NKAIN2: variants seen among roughly 807,000 people sequenced by gnomAD.
The protein encoded by NKAIN2 is sodium/potassium-transporting ATPase subunit beta-1-interacting protein 2.
NKAIN2 carries 14 observed loss-of-function variants against 32.6 expected under a neutral mutation model. The ratio of observed to expected loss-of-function variants is 0.43; its 90% CI spans 0.28 to 0.67. The LOEUF (loss-of-function observed/expected upper bound fraction) is 0.67. NKAIN2 is among the 30% of genes least tolerant of loss of function. NKAIN2 has a pLI of 0.17. For synonymous variants in NKAIN2, 80 were observed against 87.2 expected (o/e 0.92, Z 0.46); for missense variants, 198 against 258.3 (o/e 0.77, Z 1.60).
At chr6:124,271,379 G>T (rs1794761880) in intron 1 of NKAIN2, among the ~76,000 whole-genome samples, 2 of 152,106 alleles carry the variant, frequency 1.3e-5, no homozygotes, top group Admixed American at 1.3e-4. Flanking sequence ...ACCACGCCTG[G>T]CTAATTTTTT....
intron 1 of NKAIN2, among the ~76,000 whole-genome samples, chr6:123,970,021 A>G (rs1778263648): frequency 6.6e-6 from 1 of 152,354 alleles, no homozygotes; most frequent in Admixed American, 6.5e-5. Context: ...TATCAAATAC[A>G]TAATTTTAAA....
intron 3 of NKAIN2, among the ~76,000 whole-genome samples, chr6:124,447,774 A>C (rs896372369): frequency 1.3e-4 from 20 of 152,206 alleles, no homozygotes; most frequent in African/African-American, 4.8e-4. Flanking sequence ...TCCAGGACTG[A>C]AAGTTTTTAA....
At chr6:124,238,485 C>A (rs1380441734) in intron 1 of NKAIN2, among the ~76,000 whole-genome samples, 1 of 151,982 alleles carries the variant, frequency 6.6e-6, no homozygotes, top group African/African-American at 2.4e-5. Context: ...TAGAGGCTAA[C>A]ATATAAAAGG....
chr6:124,326,426 C>T (rs1797413434), intron 2 of NKAIN2, among the ~76,000 whole-genome samples: 1 of 152,232 alleles, frequency 6.6e-6, no homozygotes, highest in South Asian at 2.1e-4. Context: ...CCTCCTGTTA[C>T]CATGAACACC....
At chr6:124,629,720 C>G (rs1783489943) in intron 3 of NKAIN2, among the ~76,000 whole-genome samples, 2 of 152,116 alleles carry the variant, frequency 1.3e-5, no homozygotes, top group South Asian at 4.1e-4. Context: ...AATTTGCTTT[C>G]CAGAAGCCCA....
chr6:124,745,050 AT>A lies in NKAIN2; in HGVS notation c.475-46281del, dbSNP rs575894428. On this transcript the variant is annotated intron_variant, in intron 4 of 6. Coordinates refer to ENST00000368417, the MANE Select transcript of NKAIN2 (RefSeq NM_001040214.3). ...CAGGAGATCTTTGGATTCTCTTCTG[AT>A]TTTTTTTCCATTTAATTTTCTTCAG... 9.9e-5 allele frequency among the ~76,000 whole-genome samples: 15 copies of A among 151,752 alleles called. No individual in the cohort carries two copies. The East Asian group carries it at 2.5e-3, about 26-fold the overall frequency.
chr6:124,337,865 A>G (rs1038390943), intron 2 of NKAIN2, among the ~76,000 whole-genome samples: 5 of 152,150 alleles, frequency 3.3e-5, no homozygotes, highest in Non-Finnish European at 7.3e-5. Flanking sequence ...ATGTGCTGGG[A>G]TGTTGAGCTC....
At chr6:124,768,268 G>A (rs1778598572) in intron 4 of NKAIN2, among the ~76,000 whole-genome samples, 1 of 152,152 alleles carries the variant, frequency 6.6e-6, no homozygotes. Flanking sequence ...CCAGGATGGA[G>A]CCATTTAACT....
chr6:124,020,883 T>C (rs557246334), intron 1 of NKAIN2, among the ~76,000 whole-genome samples: 2 of 152,140 alleles, frequency 1.3e-5, no homozygotes, highest in South Asian at 4.1e-4. Flanking sequence ...GATCAAGATA[T>C]CTCAATTTGT....
chr6:124,001,417 C>A (rs941788005), intron 1 of NKAIN2, among the ~76,000 whole-genome samples: 1 of 151,882 alleles, frequency 6.6e-6, no homozygotes, highest in African/African-American at 2.4e-5. Flanking sequence ...GATTTAACTT[C>A]TAATTTTCAT....
In NKAIN2 at chr6:124,397,514, T is replaced by C. The variant is rs1773434247; in HGVS notation, c.273+42167T>C. 1.3e-5 allele frequency among the ~76,000 whole-genome samples: 2 copies of C among 150,932 alleles called. 1 individual carries two copies. Among genetic ancestry groups the C allele is most frequent in the Admixed American group, 1.3e-4 (2 of 15,232 alleles). On this transcript the variant is annotated intron_variant, in intron 3 of 6. Transcript: ENST00000368417. ...GTCCCTGCTTTATTGATTGAGATAC[T>C]GTGTCACAGAGAGTTTTTTTTTTTT...
At chr6:124,313,312 T>C (rs1403827892) in intron 2 of NKAIN2, among the ~76,000 whole-genome samples, 1 of 152,134 alleles carries the variant, frequency 6.6e-6, no homozygotes, top group African/African-American at 2.4e-5. Context: ...GGTGGAAACA[T>C]CTTTTTTTTT....
At chr6:124,481,639 A>G (rs569772614) in intron 3 of NKAIN2, among the ~76,000 whole-genome samples, 1 of 152,268 alleles carries the variant, frequency 6.6e-6, no homozygotes, top group Non-Finnish European at 1.5e-5. Flanking sequence ...GATTAGTGAG[A>G]TATTATTTTT....
In NKAIN2 at chr6:124,225,731, C is replaced by T. The variant is rs1464725312; in HGVS notation, c.55-57274C>T. On this transcript the variant is annotated intron_variant, in intron 1 of 6. Transcript: ENST00000368417. ...AATATGTATAATATACCTATAAAAACATAAACCTCTACAAGTTTGTAGAGT... is the reference window on the plus strand; with the variant it reads ...AATATGTATAATATACCTATAAAAATATAAACCTCTACAAGTTTGTAGAGT... 2.6e-5 allele frequency among the ~76,000 whole-genome samples: 4 copies of T among 151,876 alleles called. No homozygotes were observed. In the East Asian group the frequency reaches 7.7e-4, roughly 29 times the overall value.
At chr6:124,450,170 C>A (rs1391912760) in intron 3 of NKAIN2, among the ~76,000 whole-genome samples, 1 of 151,994 alleles carries the variant, frequency 6.6e-6, no homozygotes, top group Non-Finnish European at 1.5e-5. Flanking sequence ...CGTGTTTATC[C>A]CCATTATCAC....
rs560653425 is a variant in NKAIN2 at position 124,616,325 on chromosome 6, C to T, written c.274-41861C>T. The stretch of plus-strand genomic sequence containing the variant: ...AGGAAGTGTTGGTCTGGCAGTAGCT[C>T]ACTTGGCCATATGAGAAGCTGAAAT... On this transcript the variant is annotated intron_variant, in intron 3 of 6. Coordinates refer to ENST00000368417, the MANE Select transcript of NKAIN2 (RefSeq NM_001040214.3). Among the ~76,000 whole-genome samples the T allele has an allele frequency of 2.0e-3, 302 of 151,776 alleles. 1 individual carries two copies. The highest frequency in any genetic ancestry group is 3.4e-3 in the Non-Finnish European group (231 of 67,934).
chr6:124,344,899 C>T (rs1798327695), intron 2 of NKAIN2, among the ~76,000 whole-genome samples: 1 of 152,142 alleles, frequency 6.6e-6, no homozygotes, highest in African/African-American at 2.4e-5. Context: ...GAGGACATCC[C>T]TGTCTTGTGC....
chr6:123,974,626 G>T (rs533046806), intron 1 of NKAIN2, among the ~76,000 whole-genome samples: 3 of 152,218 alleles, frequency 2.0e-5, no homozygotes, highest in Non-Finnish European at 4.4e-5. Flanking sequence ...GCGGGCAAAA[G>T]GTTGACCATT....
At chr6:123,952,390 A>G (rs1777369850) in intron 1 of NKAIN2, among the ~76,000 whole-genome samples, 1 of 151,992 alleles carries the variant, frequency 6.6e-6, no homozygotes, top group Non-Finnish European at 1.5e-5. Context: ...TGCATTGTAT[A>G]TTTTTGGGGA....
Sources: allele counts gnomAD v4.1 joint callset (sites outside exome capture counted in the v4.1 genomes callset), GRCh38; gene constraint gnomAD v4.1.1; transcripts MANE v1.5; gene names NCBI Gene and HGNC (gene_info 2026-07-23, HGNC 2026-07-21).